The following TRIM48 variants were observed in gnomAD, a reference collection of about 807,000 sequenced individuals.
TRIM48 encodes the protein E3 ubiquitin-protein ligase TRIM48.
A neutral mutation model predicts 29.5 loss-of-function variants in TRIM48; 31 were observed. The observed-to-expected ratio is 1.05, with a 90% CI of 0.79 to 1.42. TRIM48 has a LOEUF of 1.42. Ranked by LOEUF, TRIM48 falls within the 40% of genes most tolerant of loss-of-function variation. The pLI is 0.00. For synonymous variants in TRIM48, 128 were observed against 90.6 expected, an observed-to-expected ratio of 1.41 and a Z score of -2.34; for missense variants, 344 against 265.0, an observed-to-expected ratio of 1.30 and a Z score of -2.07.
chr11:55,266,399 T>C (rs939158701), intron 3 of TRIM48, among the ~76,000 whole-genome samples: 5 of 147,588 alleles, frequency 3.4e-5, no homozygotes, highest in Non-Finnish European at 6.0e-5. Context: ...TGTTGAAAAG[T>C]ATTTCATAAG....
chr11:55,270,832 A>G lies in TRIM48; in HGVS notation c.*397A>G, dbSNP rs1857473673. The stretch of plus-strand genomic sequence containing the variant: ...ATTATTCCTGGATTGTGAAGCTAGA[A>G]CTGTGAGCTTCGTTGATGTTAGTCA... On this transcript the variant is annotated 3_prime_UTR_variant, in exon 6 of 6. Coordinates refer to ENST00000417545, the MANE Select transcript of TRIM48 (RefSeq NM_024114.5). 1 of 1,573,370 alleles carries G rather than the reference A, an allele frequency of 6.4e-7. No individual in the cohort carries two copies. Among genetic ancestry groups the G allele is most frequent in the South Asian group, 1.2e-5 (1 of 83,428 alleles).
In TRIM48 at chr11:55,269,980, G is replaced by C. The variant is rs1486908698; in HGVS notation, c.*2-457G>C. Among the ~76,000 whole-genome samples, 4 of 147,828 alleles carry C rather than the reference G, an allele frequency of 2.7e-5. No homozygotes were observed. In the Admixed American group the frequency reaches 2.7e-4, roughly 10 times the overall value. ...GATTTTGCAGAAATCTGCTTCAAAT[G>C]ATCACTTATGACATGTACTTATGGA... On this transcript the variant is annotated intron_variant, in intron 5 of 5. Transcript: ENST00000417545.
At chr11:55,269,954 A>C (rs1279200792) in intron 5 of TRIM48, among the ~76,000 whole-genome samples, 7 of 147,936 alleles carry the variant, frequency 4.7e-5, no homozygotes, top group Non-Finnish European at 9.0e-5. Context: ...GACTGGTAAA[A>C]GATTTTGCAG....
At position 55,269,315 on chromosome 11, in the gene TRIM48, A is replaced by T; in HGVS notation, c.652A>T (p.Arg218Trp). The change falls in exon 5 of 6, where the codon AGG becomes TGG. Residue 218 changes from arginine to tryptophan, a missense_variant. Arg to Trp is a moderately radical substitution (Grantham distance 101). Transcript: ENST00000417545. ...CAGGGCAGGGCCCATCACTGGACTG[A>T]GGGACAGGCTCAACCAATTCTGAGG... ...ALRAGPITGL[R>W]DRLNQF The T allele has an allele frequency of 1.3e-6, 2 of 1,575,852 alleles. No homozygotes were observed. The highest frequency in any genetic ancestry group is 1.7e-6 in the Non-Finnish European group (2 of 1,166,046).
In TRIM48 at chr11:55,270,913, A is replaced by G. The variant is rs1177955671; in HGVS notation, c.*478A>G. On this transcript the variant is annotated 3_prime_UTR_variant, in exon 6 of 6. Coordinates refer to ENST00000417545, the MANE Select transcript of TRIM48 (RefSeq NM_024114.5). ...CTCCTTCTCACTTCCTCTCAGACCT[A>G]TCTTTTTCTGTATTCTCCTCTGACC... 1.3e-5 allele frequency: 20 copies of G among 1,557,138 alleles called. 3 individuals carry two copies. Among genetic ancestry groups the G allele is most frequent in the Non-Finnish European group, 1.7e-5 (20 of 1,145,386 alleles).
rs753660314 is a variant in TRIM48, at chr11:55,268,758, G to A, written c.578+386G>A. ...TATACACATATCAGTTAACAGTTCC[G>A]AAAAATAGATTGAAAAAACTATGGA... On this transcript the variant is annotated intron_variant, in intron 4 of 5. Transcript: ENST00000417545. Among the ~76,000 whole-genome samples the A allele has an allele frequency of 7.5e-5, 11 of 147,484 alleles. 1 individual carries two copies. The highest frequency in any genetic ancestry group is 1.3e-4 in the Non-Finnish European group (9 of 66,848).
In TRIM48 at chr11:55,265,637, A is replaced by G; in HGVS notation, c.497A>G (p.Lys166Arg). The change falls in exon 3 of 6, where the codon AAA (lysine) becomes AGA (arginine). Residue 166 changes from lysine (K) to arginine (R), a missense_variant. By Grantham distance (26) the Lys-to-Arg change is conservative. Coordinates refer to ENST00000417545, the MANE Select transcript of TRIM48 (RefSeq NM_024114.5). ...AAGAAAATGCAGTCTTTATGGGAAA[A>G]AGCTTGTGAAAATCAGAGAAACCTG... ...LLKKMQSLWEKACENQRNLNV... is the reference protein window; with the variant it reads ...LLKKMQSLWERACENQRNLNV... 6.3e-7 allele frequency: 1 copy of G among 1,581,798 alleles called. No individual in the cohort carries two copies. Among genetic ancestry groups the G allele is most frequent in the East Asian group, 2.4e-5 (1 of 41,254 alleles).
In TRIM48 at chr11:55,265,662, G is replaced by C. The variant is rs761567276; in HGVS notation, c.522G>C (p.Leu174=). The C allele has an allele frequency of 6.3e-7, 1 of 1,581,700 alleles. No homozygotes were observed. The change falls in exon 3 of 6, where the codon CTG becomes CTC. Residue 174 remains leucine, a synonymous_variant. Coordinates refer to ENST00000417545, the MANE Select transcript of TRIM48 (RefSeq NM_024114.5). ...AAGCTTGTGAAAATCAGAGAAACCT[G>C]AATGTGGAAACCACCAGAATCAGCC... is the stretch of plus-strand genomic sequence containing the variant. ...WEKACENQRN[L]NVETTRISHW...
At position 55,265,510 on chromosome 11, in the gene TRIM48, T is replaced by C. The variant is rs1320014104; in HGVS notation, c.460-90T>C. ...AAATGCCATTTACTAGGGACTTATT[T>C]GTCTCTCATTCTGGGCCCCCTCCCA... On this transcript the variant is annotated intron_variant, in intron 2 of 5. Transcript: ENST00000417545. 1.7e-5 allele frequency: 26 copies of C among 1,498,768 alleles called. 3 individuals carry two copies. The highest frequency in any genetic ancestry group is 2.4e-5 in the Non-Finnish European group (26 of 1,102,244). 92.8% of individuals were successfully genotyped at this position (1,498,768 alleles called of 1,614,324 possible). A position where few individuals can be genotyped will look rare whatever the true frequency, so the allele number is the denominator to read the frequency against.
intron 1 of TRIM48, among the ~76,000 whole-genome samples, chr11:55,263,660 T>A (rs1857340607): frequency 6.6e-6 from 1 of 152,068 alleles, no homozygotes; most frequent in Admixed American, 6.6e-5. Flanking sequence ...AGTCCCCACC[T>A]CAGAAAGTAA....
Position 55,270,510 on chromosome 11 carries a change from T to A in TRIM48, c.*75T>A. The A allele has an allele frequency of 3.2e-6, 5 of 1,578,488 alleles. No individual in the cohort carries two copies. Among genetic ancestry groups the A allele is most frequent in the Non-Finnish European group, 4.3e-6 (5 of 1,162,704 alleles). The stretch of plus-strand genomic sequence containing the variant: ...GTGGAGATTTGAGAAGCATTTGTAT[T>A]GGATGTGACCGTCAAAATCCGCCCC... On this transcript the variant is annotated 3_prime_UTR_variant, in exon 6 of 6. Transcript: ENST00000417545.
At chr11:55,268,914 T>A (rs1393193170) in intron 4 of TRIM48, among the ~76,000 whole-genome samples, 1 of 147,800 alleles carries the variant, frequency 6.8e-6, no homozygotes, top group African/African-American at 2.5e-5. Flanking sequence ...AACCCCTCTA[T>A]TTCAGACAAA....
chr11:55,268,879 G>A (rs1431137391), intron 4 of TRIM48, among the ~76,000 whole-genome samples: 2 of 147,948 alleles, frequency 1.4e-5, no homozygotes, highest in Admixed American at 6.8e-5. Flanking sequence ...TGAAAAGGAA[G>A]CAGCAGATGC....
chr11:55,262,242 G>T lies in TRIM48; in HGVS notation c.-26G>T, dbSNP rs372843544. The T allele has an allele frequency of 6.5e-7, 1 of 1,547,008 alleles. No homozygotes were observed. Among genetic ancestry groups the T allele is most frequent in the South Asian group, 1.2e-5 (1 of 83,922 alleles). On this transcript the variant is annotated 5_prime_UTR_variant, in exon 1 of 6. An upstream open reading frame in the 5' UTR loses its in-frame stop. Coordinates refer to ENST00000417545, the MANE Select transcript of TRIM48 (RefSeq NM_024114.5). ...TCAGTACTGCAGCGAATGAGCTCCTGACCTTGAGGAGTACTTAACAGAATT... is the reference window on the plus strand; with the variant it reads ...TCAGTACTGCAGCGAATGAGCTCCTTACCTTGAGGAGTACTTAACAGAATT...
chr11:55,267,368 A>G, intron 3 of TRIM48: 1 of 1,536,538 alleles, frequency 6.5e-7, no homozygotes, highest in Non-Finnish European at 8.9e-7. Flanking sequence ...GGAGATGGAT[A>G]TATACATTTC....
rs185268074 is a variant in TRIM48 at position 55,268,966 on chromosome 11, G to A, written c.579-276G>A. Among the ~76,000 whole-genome samples the A allele has an allele frequency of 1.5e-3, 225 of 147,720 alleles. 18 individuals carry two copies. Among genetic ancestry groups the A allele is most frequent in the East Asian group, 0.011 (49 of 4,646 alleles). On this transcript the variant is annotated intron_variant, in intron 4 of 5. Coordinates refer to ENST00000417545, the MANE Select transcript of TRIM48 (RefSeq NM_024114.5). The stretch of plus-strand genomic sequence containing the variant: ...GCCAAGAAGTGGAACTCAGAATTTC[G>A]TTTCTAAATATTCTCAAGGCCATAA...
At position 55,270,636 on chromosome 11, in the gene TRIM48, G is replaced by C; in HGVS notation, c.*201G>C. 1 of 1,581,580 alleles carries C rather than the reference G, an allele frequency of 6.3e-7. No individual in the cohort carries two copies. Among genetic ancestry groups the C allele is most frequent in the Non-Finnish European group, 8.6e-7 (1 of 1,164,182 alleles). On this transcript the variant is annotated 3_prime_UTR_variant, in exon 6 of 6. Transcript: ENST00000417545. ...TCCATGTGGGGGACTCTTGGAATTG[G>C]GCTTTTGGTGTCTGTAATAAGTATT...
chr11:55,268,768 T>G (rs1431026701), intron 4 of TRIM48, among the ~76,000 whole-genome samples: 1 of 147,620 alleles, frequency 6.8e-6, no homozygotes, highest in African/African-American at 2.5e-5. Flanking sequence ...GAAAAATAGA[T>G]TGAAAAAACT....
In TRIM48 at chr11:55,269,325, T is replaced by A; in HGVS notation, c.662T>A (p.Leu221His). 6.3e-7 allele frequency: 1 copy of A among 1,575,456 alleles called. No individual in the cohort carries two copies. Among genetic ancestry groups the A allele is most frequent in the Admixed American group, 1.7e-5 (1 of 58,528 alleles). Residue 221 changes from leucine (L) to histidine (H), a missense_variant, in exon 5 of 6, where the codon CTC becomes CAC. By Grantham distance (99) the Leu-to-His change is moderately conservative. Transcript: ENST00000417545. Reference sequence around the variant, plus strand: ...CCCATCACTGGACTGAGGGACAGGCTCAACCAATTCTGAGGTAAGTCTCCA... The same window carrying A: ...CCCATCACTGGACTGAGGGACAGGCACAACCAATTCTGAGGTAAGTCTCCA... The part of the protein sequence containing the change: ...AGPITGLRDR[L>H]NQF
Sources: allele counts gnomAD v4.1 joint callset (sites outside exome capture counted in the v4.1 genomes callset), GRCh38; gene constraint gnomAD v4.1.1; transcripts MANE v1.5; gene names NCBI Gene and HGNC (gene_info 2026-07-23, HGNC 2026-07-21).